TBC1D31: variants seen among roughly 807,000 people sequenced by gnomAD.
TBC1D31 encodes WD repeat domain 67.
TBC1D31 carries 99 observed loss-of-function variants against 132.9 expected under a neutral mutation model. The ratio of observed to expected loss-of-function variants is 0.74; its 90% confidence interval spans 0.63 to 0.88. TBC1D31 has a LOEUF of 0.88. Among genes scored for constraint, TBC1D31 ranks in the 40% least tolerant of loss-of-function variants. TBC1D31 has a pLI of 0.00. For missense variants in TBC1D31, 1,134 were observed against 1,256.6 expected (o/e 0.90, Z 1.48); for synonymous variants, 385 against 419.4 (o/e 0.92, Z 1.00).
intron 10 of TBC1D31, among the ~76,000 whole-genome samples, chr8:123,111,248 A>G (rs1051731169): frequency 6.6e-6 from 1 of 152,094 alleles, no homozygotes; most frequent in Non-Finnish European, 1.5e-5. Context: ...CCATTATTTC[A>G]CCAGAGATTA....
chr8:123,076,913 A>C (rs1586537465), intron 1 of TBC1D31, among the ~76,000 whole-genome samples, 198 bp from the exon 2 acceptor site: 1 of 152,226 alleles, frequency 6.6e-6, no homozygotes. Context: ...ATGAATAAAC[A>C]GTAGCTATTT....
the TBC1D31 span, among the ~76,000 whole-genome samples, chr8:123,160,966 T>A: frequency 6.6e-6 from 1 of 152,180 alleles, no homozygotes; most frequent in Admixed American, 6.5e-5. Context: ...AGGGGACCGC[T>A]GGCTGCAGGC....
At chr8:123,077,533 A>ATTTTTTTTTTT (rs33948089) in intron 2 of TBC1D31, among the ~76,000 whole-genome samples, 2 of 143,482 alleles carry the variant, frequency 1.4e-5, no homozygotes, top group Non-Finnish European at 3.0e-5. Context: ...ATTATTGCTA[A>ATTTTTTTTTTT]TTTTTTTTTT....
intron 10 of TBC1D31, among the ~76,000 whole-genome samples, chr8:123,116,023 T>G (rs1818875525): frequency 6.6e-6 from 1 of 152,138 alleles, no homozygotes; most frequent in African/African-American, 2.4e-5. Context: ...AAATAATTTA[T>G]ATTTAAACAG....
intron 10 of TBC1D31, among the ~76,000 whole-genome samples, chr8:123,119,313 C>T (rs1018448897): frequency 2.0e-5 from 3 of 152,156 alleles, no homozygotes; most frequent in African/African-American, 7.2e-5. Flanking sequence ...TCTGTATTCT[C>T]ATGTGAAGAA....
In TBC1D31 at chr8:123,134,180, G is replaced by A. The variant is rs763736344; in HGVS notation, c.2473G>A (p.Glu825Lys). Reference protein sequence around the residue: ...RDLEMRQLELESQKRLYEKNL... With the variant: ...RDLEMRQLELKSQKRLYEKNL... ...CCTAGAAATGAGACAGCTGGAACTC[G>A]AATCACAAAAGAGACTTTATGAGAA... The change falls in exon 17 of 22, where the codon GAA (glutamate) becomes AAA (lysine). Residue 825 changes from glutamate (E) to lysine (K), a missense_variant. By Grantham distance (56) the Glu-to-Lys change is moderately conservative (BLOSUM62 1). Coordinates refer to ENST00000287380, the MANE Select transcript of TBC1D31 (RefSeq NM_145647.4). The A allele has an allele frequency of 1.7e-5, 28 of 1,613,882 alleles. No homozygotes were observed. Among genetic ancestry groups the A allele is most frequent in the Middle Eastern group, 1.6e-4 (1 of 6,062 alleles).
intron 20 of TBC1D31, among the ~76,000 whole-genome samples, chr8:123,146,191 G>A (rs981904252): frequency 2.0e-5 from 3 of 152,066 alleles, no homozygotes; most frequent in African/African-American, 7.2e-5. Flanking sequence ...TATTTAAAGT[G>A]TATTATTCAA....
chr8:123,111,730 A>G (rs1389961443), intron 10 of TBC1D31, among the ~76,000 whole-genome samples: 15 of 152,174 alleles, frequency 9.9e-5, no homozygotes, highest in Non-Finnish European at 1.0e-4. Flanking sequence ...TAAAAACTAT[A>G]TAACTATAAA....
intron 20 of TBC1D31, among the ~76,000 whole-genome samples, chr8:123,149,790 T>A (rs1253173766): frequency 6.6e-6 from 1 of 152,190 alleles, no homozygotes; most frequent in Non-Finnish European, 1.5e-5. Flanking sequence ...TATTTTTGAG[T>A]TTGTTGGCTT....
the TBC1D31 span, among the ~76,000 whole-genome samples, chr8:123,161,683 A>AT: frequency 6.6e-6 from 1 of 152,134 alleles, no homozygotes; most frequent in African/African-American, 2.4e-5. Context: ...GTAAATGGTG[A>AT]TTTTTTTAAA....
chr8:123,088,422 CA>C (rs1025275370), intron 4 of TBC1D31, among the ~76,000 whole-genome samples: 11 of 147,228 alleles, frequency 7.5e-5, no homozygotes, highest in East Asian at 2.0e-4. Context: ...AGACCCATCT[CA>C]AAAAAAAAAG....
chr8:123,127,696 A>C (rs1056825147), intron 13 of TBC1D31, among the ~76,000 whole-genome samples: 1 of 152,108 alleles, frequency 6.6e-6, no homozygotes, highest in Non-Finnish European at 1.5e-5. Flanking sequence ...TAACTATGAG[A>C]GTTTTGAGAC....
At position 123,084,131 on chromosome 8, in the gene TBC1D31, A is replaced by G. The variant is rs748659836; in HGVS notation, c.341-31A>G. The G allele has an allele frequency of 6.9e-6, 11 of 1,597,256 alleles. No individual in the cohort carries two copies. The South Asian group carries it at 1.1e-4, about 16-fold the overall frequency. On this transcript the variant is annotated intron_variant, in intron 3 of 21. Coordinates refer to ENST00000287380, the MANE Select transcript of TBC1D31 (RefSeq NM_145647.4). ...GTTACTTCTAGACGTACAGTGTTTT[A>G]CCTGGGTAACAATTTTACTTTTTAC... is the stretch of plus-strand genomic sequence containing the variant.
chr8:123,144,899 A>G, intron 20 of TBC1D31, 44 bp downstream of exon 20: 1 of 1,539,746 alleles, frequency 6.5e-7, no homozygotes, highest in Non-Finnish European at 8.8e-7. Flanking sequence ...TTACAGATTT[A>G]TTCTTTTAGT....
intron 11 of TBC1D31, among the ~76,000 whole-genome samples, chr8:123,121,749 G>A (rs577169114): frequency 6.6e-6 from 1 of 152,194 alleles, no homozygotes; most frequent in Admixed American, 6.5e-5. Flanking sequence ...GCCAGTCTCA[G>A]GTATTTCTTT....
rs1822820219 is a variant in TBC1D31 at position 123,151,953 on chromosome 8, T to A, written c.*14T>A. 1 of 1,492,546 alleles carries A rather than the reference T, an allele frequency of 6.7e-7. No homozygotes were observed. The highest frequency in any genetic ancestry group is 1.4e-5 in the South Asian group (1 of 69,352). The allele number at this position is 1,492,546 out of a possible 1,614,324, so 92.5% of individuals were successfully genotyped here. On this transcript the variant is annotated 3_prime_UTR_variant, in exon 22 of 22. Coordinates refer to ENST00000287380, the MANE Select transcript of TBC1D31 (RefSeq NM_145647.4). The stretch of plus-strand genomic sequence containing the variant: ...TTGGCTGCATAGAATGCATGTCACC[T>A]TGAGACGGTCGAGAGAGAGACCTAT...
chr8:123,105,623 A>G (rs539151178), intron 8 of TBC1D31, among the ~76,000 whole-genome samples, 159 bp downstream of exon 8: 1 of 152,272 alleles, frequency 6.6e-6, no homozygotes, highest in East Asian at 1.9e-4. Context: ...GCTGGTCTCA[A>G]TCCTGGCCTC....
chr8:123,157,495 G>A, the TBC1D31 span, among the ~76,000 whole-genome samples: 10 of 152,152 alleles, frequency 6.6e-5, no homozygotes, highest in Non-Finnish European at 1.3e-4. Flanking sequence ...TCACTGGGTA[G>A]CGACGACACG....
rs886172743 is a variant in TBC1D31, at chr8:123,128,343, C to T, written c.1947C>T (p.Leu649=). The change falls in exon 14 of 22, where the codon CTC becomes CTT. Residue 649 remains leucine, a synonymous_variant. Transcript: ENST00000287380. The part of the protein sequence containing the change: ...INVVIRQVYH[L]METTPTDIHP... ...TTGTGATTAGACAAGTTTATCATCT[C>T]ATGGAGACCACGCCTACTGACATTC... 1 of 1,613,562 alleles carries T rather than the reference C, an allele frequency of 6.2e-7. No homozygotes were observed. The highest frequency in any genetic ancestry group is 1.3e-5 in the African/African-American group (1 of 74,874).
Sources: gnomAD v4.1 joint callset for allele counts (sites outside exome capture counted in the v4.1 genomes callset) on GRCh38, gnomAD v4.1.1 for gene constraint, MANE v1.5 for transcripts, NCBI Gene and HGNC (gene_info 2026-07-23, HGNC 2026-07-21) for gene names.